The following CEP128 variants were observed in gnomAD, a reference collection of about 807,000 sequenced individuals.
The protein encoded by CEP128 is centrosomal protein 128kDa.
Under a neutral mutation model 156.7 loss-of-function variants are expected in CEP128, and 132 were observed. The ratio of observed to expected loss-of-function variants is 0.84; its 90% confidence interval spans 0.73 to 0.97. CEP128 has a LOEUF of 0.97. CEP128 is among the 50% of genes least tolerant of loss of function. The probability of loss-of-function intolerance (pLI) is 0.00; values close to 1 mark genes in which losing one functional copy is unlikely to be tolerated. For synonymous variants in CEP128, 469 were observed against 448.9 expected (o/e 1.04, Z -0.57); for missense variants, 1,252 against 1,281.9 (o/e 0.98, Z 0.36).
chr14:80,887,432 C>T (rs778055776), intron 8 of CEP128, among the ~76,000 whole-genome samples: 3 of 152,186 alleles, frequency 2.0e-5, no homozygotes, highest in Non-Finnish European at 4.4e-5. Context: ...AACAGTCTCT[C>T]AGACCACAGT....
chr14:80,609,540 A>C (rs1234717137), intron 19 of CEP128, among the ~76,000 whole-genome samples: 2 of 152,152 alleles, frequency 1.3e-5, no homozygotes, highest in Non-Finnish European at 2.9e-5. Flanking sequence ...TTGCTTCATC[A>C]GGTCTCCCTT....
intron 19 of CEP128, among the ~76,000 whole-genome samples, chr14:80,681,545 G>A (rs1389078318): frequency 6.6e-6 from 1 of 152,210 alleles, no homozygotes; most frequent in Non-Finnish European, 1.5e-5. Context: ...GGGAGCAGGT[G>A]GGAGGTAATT....
chr14:80,562,716 A>G (rs1330910426), intron 20 of CEP128, among the ~76,000 whole-genome samples: 1 of 135,086 alleles, frequency 7.4e-6, no homozygotes, highest in Non-Finnish European at 1.5e-5. Flanking sequence ...GCTAGAGTGC[A>G]CTGTCACAAT....
At chr14:80,659,914 TG>T (rs1895327969) in intron 19 of CEP128, among the ~76,000 whole-genome samples, 1 of 152,092 alleles carries the variant, frequency 6.6e-6, no homozygotes, top group Admixed American at 6.6e-5. Context: ...TCAGGGGGTT[TG>T]GGAGGTCTTT....
intron 19 of CEP128, among the ~76,000 whole-genome samples, chr14:80,626,187 G>A (rs1281698194): frequency 5.3e-5 from 8 of 152,268 alleles, no homozygotes; most frequent in South Asian, 2.1e-4. Context: ...AGACAGGGCC[G>A]GGCGCGGTGG....
chr14:80,852,675 C>G (rs984905470), intron 9 of CEP128, among the ~76,000 whole-genome samples: 6 of 151,764 alleles, frequency 4.0e-5, no homozygotes, highest in African/African-American at 1.4e-4. Context: ...AATTAGTAAT[C>G]TGCAGCACCA....
chr14:80,756,646 G>A (rs545384981), intron 18 of CEP128, among the ~76,000 whole-genome samples: 2 of 152,082 alleles, frequency 1.3e-5, no homozygotes, highest in South Asian at 4.2e-4. Flanking sequence ...TCTATAATCT[G>A]GTTCTTAATA....
chr14:80,920,622 A>C (rs1228289966), intron 2 of CEP128, among the ~76,000 whole-genome samples: 4 of 152,218 alleles, frequency 2.6e-5, no homozygotes, highest in Non-Finnish European at 5.9e-5. Context: ...CTATTATTTC[A>C]TTCCATGTTA....
chr14:80,527,265 CA>C, intron 22 of CEP128: 2 of 476,056 alleles, frequency 4.2e-6, no homozygotes, highest in Admixed American at 2.3e-5. Context: ...CTCACCTCTA[CA>C]AAAAAATACA....
At chr14:80,878,105 TC>T (rs1888369074) in intron 8 of CEP128, among the ~76,000 whole-genome samples, 1 of 151,902 alleles carries the variant, frequency 6.6e-6, no homozygotes, top group Non-Finnish European at 1.5e-5. Context: ...CAGCAGCCCC[TC>T]CCCCAGCAGG....
At chr14:80,868,258 G>C (rs1404558576) in intron 8 of CEP128, among the ~76,000 whole-genome samples, 1 of 152,142 alleles carries the variant, frequency 6.6e-6, no homozygotes, top group African/African-American at 2.4e-5. Context: ...TATAATGGTA[G>C]TGTTTAAGTT....
chr14:80,912,679 A>G (rs1884315584), intron 4 of CEP128, among the ~76,000 whole-genome samples: 1 of 152,210 alleles, frequency 6.6e-6, no homozygotes, highest in African/African-American at 2.4e-5. Context: ...TAAAAATAGT[A>G]GAAACCCTTA....
At chr14:80,763,021 G>A (rs1900048784) in intron 16 of CEP128, among the ~76,000 whole-genome samples, 1 of 152,136 alleles carries the variant, frequency 6.6e-6, no homozygotes, top group Non-Finnish European at 1.5e-5. Context: ...ACTACCATAT[G>A]AATCAGAATG....
chr14:80,788,288 C>CTTTTTTTTTTTT (rs10628361), intron 14 of CEP128, among the ~76,000 whole-genome samples: 24 of 97,232 alleles, frequency 2.5e-4, no homozygotes, highest in East Asian at 3.6e-4. Flanking sequence ...TGGCCAGGAT[C>CTTTTTTTTTTTT]TTTTTTTTTT....
intron 2 of CEP128, among the ~76,000 whole-genome samples, chr14:80,925,617 A>G (rs557073643): frequency 6.6e-6 from 1 of 152,004 alleles, no homozygotes; most frequent in South Asian, 2.1e-4. Context: ...TCTCCAAGAT[A>G]GTGGAATGGA....
chr14:80,647,080 TATATATAC>T (rs1415107491), intron 19 of CEP128, among the ~76,000 whole-genome samples: 10 of 58,006 alleles, frequency 1.7e-4, no homozygotes, highest in Admixed American at 8.5e-4. Flanking sequence ...TATATATATA[TATATATAC>T]ACCCTTATAA....
At chr14:80,667,986 A>C (rs1350694865) in intron 19 of CEP128, among the ~76,000 whole-genome samples, 3 of 152,168 alleles carry the variant, frequency 2.0e-5, no homozygotes, top group Non-Finnish European at 4.4e-5. Flanking sequence ...CTGATGATGA[A>C]AACAACAGTG....
chr14:80,902,519 C>G (rs983378978), intron 6 of CEP128, among the ~76,000 whole-genome samples: 9 of 152,156 alleles, frequency 5.9e-5, no homozygotes, highest in Non-Finnish European at 1.3e-4. Flanking sequence ...AGTACCTAAT[C>G]CTAAAACTAC....
At chr14:80,658,950 T>C (rs927542849) in intron 19 of CEP128, among the ~76,000 whole-genome samples, 2 of 152,298 alleles carry the variant, frequency 1.3e-5, no homozygotes, top group African/African-American at 4.8e-5. Context: ...AATGCAACTT[T>C]TGTTTCAATG....
Sources: gnomAD v4.1 joint callset for allele counts (sites outside exome capture counted in the v4.1 genomes callset) on GRCh38, gnomAD v4.1.1 for gene constraint, MANE v1.5 for transcripts, NCBI Gene and HGNC (gene_info 2026-07-23, HGNC 2026-07-21) for gene names.